Variants in SMIM24 observed in about 807,000 individuals in gnomAD.
SMIM24 encodes MAP17-related dimer.
In SMIM24, 6 loss-of-function variants were observed where a neutral mutation model predicts 10.8. The observed-to-expected ratio is 0.55, with a 90% CI of 0.30 to 1.09. The LOEUF (loss-of-function observed/expected upper bound fraction) is 1.09, where lower values mean the gene tolerates loss of function less well. Among genes scored for constraint, SMIM24 ranks in the 50% least tolerant of loss-of-function variants. The probability of loss-of-function intolerance (pLI) is 0.06; values close to 1 mark genes in which losing one functional copy is unlikely to be tolerated. For synonymous variants in SMIM24, 71 were observed against 62.4 expected (o/e 1.14, Z -0.65); for missense variants, 151 against 153.4 (o/e 0.98, Z 0.08).
In SMIM24 at chr19:3,479,479, G is replaced by A. The variant is rs370366120; in HGVS notation, c.68-550C>T. Among the ~76,000 whole-genome samples the A allele has an allele frequency of 6.0e-5, 9 of 150,810 alleles. No individual in the cohort carries two copies. The East Asian group carries it at 1.6e-3, about 26-fold the overall frequency. Reference sequence around the variant, plus strand: ...AAAGGAGGCAGAGGCTTAGAGGGAGGGGCTTATAAAGGAGGAGCTCAGAGG... The same window carrying A: ...AAAGGAGGCAGAGGCTTAGAGGGAGAGGCTTATAAAGGAGGAGCTCAGAGG... On this transcript the variant is annotated intron_variant, in intron 1 of 3. Coordinates refer to ENST00000215531, the MANE Select transcript of SMIM24 (RefSeq NM_001136503.2).
intron 3 of SMIM24, among the ~76,000 whole-genome samples, chr19:3,476,594 T>G (rs932633665): frequency 6.6e-6 from 1 of 152,036 alleles, no homozygotes; most frequent in Non-Finnish European, 1.5e-5. Flanking sequence ...CTGAGCCAGG[T>G]CTTAGACAAA....
chr19:3,478,372 C>A (rs1410070470), intron 3 of SMIM24, 47 bp downstream of exon 3: 3 of 1,513,556 alleles, frequency 2.0e-6, no homozygotes, highest in African/African-American at 1.4e-5. Flanking sequence ...ATTCCCCCAC[C>A]CCGAGGAGGG....
At chr19:3,477,352 G>A (rs1281178091) in intron 3 of SMIM24, among the ~76,000 whole-genome samples, 3 of 148,324 alleles carry the variant, frequency 2.0e-5, no homozygotes, top group African/African-American at 5.0e-5. Context: ...TGGATGGGTA[G>A]GTGATGGGTG....
rs200625720 is a variant in SMIM24 at position 3,478,469 on chromosome 19, G to A, written c.189C>T (p.Asp63=). The A allele has an allele frequency of 9.0e-6, 14 of 1,548,720 alleles. No individual in the cohort carries two copies. The Middle Eastern group carries it at 6.7e-4, about 74-fold the overall frequency. ...RLWCSKARAE[D]EEETTFRMES... ...CCATTCTGAACGTGGTCTCCTCCTCGTCCTCAGCCCTGCAGAGATAAAGGG... is the reference window on the plus strand; with the variant it reads ...CCATTCTGAACGTGGTCTCCTCCTCATCCTCAGCCCTGCAGAGATAAAGGG... Residue 63 remains aspartate (D), a synonymous_variant, in exon 3 of 4, where the codon GAC becomes GAT. Transcript: ENST00000215531.
rs1233771629 is a variant in SMIM24 at position 3,478,910 on chromosome 19, C to T, written c.87G>A (p.Lys29=). 1 of 1,549,934 alleles carries T rather than the reference C, an allele frequency of 6.5e-7. No individual in the cohort carries two copies. Among genetic ancestry groups the T allele is most frequent in the East Asian group, 2.4e-5 (1 of 40,888 alleles). ...EAQQATEHRL[K]PWLVGLAAVV... is the part of the protein sequence containing the mutation. ...CCGCAGCCAGGCCCACCAGCCACGGCTTCAGGCGATGCTCCGTGGCTGCAG... is the reference window on the plus strand; with the variant it reads ...CCGCAGCCAGGCCCACCAGCCACGGTTTCAGGCGATGCTCCGTGGCTGCAG... The change falls in exon 2 of 4, where the codon AAG becomes AAA. Residue 29 remains lysine, a synonymous_variant. Transcript: ENST00000215531.
intron 1 of SMIM24, 147 bp from the exon 2 acceptor site, chr19:3,479,076 G>T: frequency 1.6e-6 from 1 of 628,654 alleles, no homozygotes; most frequent in Non-Finnish European, 2.8e-6. Flanking sequence ...CAGAGACCTG[G>T]ATGGCGTAGG....
chr19:3,474,988 T>C lies in SMIM24; in HGVS notation c.248A>G (p.Lys83Arg), dbSNP rs1356551199. The C allele has an allele frequency of 1.3e-6, 2 of 1,551,350 alleles. No individual in the cohort carries two copies. Among genetic ancestry groups the C allele is most frequent in the East Asian group, 2.4e-5 (1 of 40,926 alleles). The change falls in exon 4 of 4, where the codon AAG (lysine) becomes AGG (arginine). Residue 83 changes from lysine to arginine, a missense_variant. Physicochemically the swap from Lys to Arg is conservative, Grantham distance 26 (BLOSUM62 2). Coordinates refer to ENST00000215531, the MANE Select transcript of SMIM24 (RefSeq NM_001136503.2). ...SNLYQDQSED[K>R]REKKEAKEKE... ...CTCCTTGGCCTCTTTCTTCTCTCTCTTGTCTTCACTGTAGGGATACAAAGG... is the reference window on the plus strand; with the variant it reads ...CTCCTTGGCCTCTTTCTTCTCTCTCCTGTCTTCACTGTAGGGATACAAAGG...
intron 1 of SMIM24, among the ~76,000 whole-genome samples, chr19:3,479,505 G>A (rs374331669): frequency 1.3e-5 from 2 of 150,788 alleles, no homozygotes; most frequent in East Asian, 3.9e-4. Flanking sequence ...AGCTCAGAGG[G>A]GAGGTGCTTA....
chr19:3,480,286 C>T (rs1229750978), intron 1 of SMIM24, 111 bp downstream of exon 1: 2 of 1,139,688 alleles, frequency 1.8e-6, no homozygotes, highest in African/African-American at 1.6e-5. Flanking sequence ...AGCCACTCTT[C>T]CTTTTCTTCC....
At chr19:3,475,706 G>A (rs567097983) in intron 3 of SMIM24, among the ~76,000 whole-genome samples, 1 of 151,666 alleles carries the variant, frequency 6.6e-6, no homozygotes, top group South Asian at 2.1e-4. Flanking sequence ...GTGAATGGGT[G>A]GATGAATGGA....
At position 3,474,435 on chromosome 19, in the gene SMIM24, A is replaced by ATTG; in HGVS notation, c.*407_*408insCAA. On this transcript the variant is annotated 3_prime_UTR_variant, in exon 4 of 4. Transcript: ENST00000215531. Reference sequence around the variant, plus strand: ...AGGGCTGTTACGAATGCTTTAATGCAGGCCATTGGGAAGCAGCTCTCAGCT... The same window carrying ATTG: ...AGGGCTGTTACGAATGCTTTAATGCATTGGGCCATTGGGAAGCAGCTCTCAGCT... The ATTG allele has an allele frequency of 5.6e-6, 1 of 177,540 alleles. No individual in the cohort carries two copies. The highest frequency in any genetic ancestry group is 1.2e-5 in the Non-Finnish European group (1 of 83,216). 11.0% of individuals were successfully genotyped at this position (177,540 alleles called of 1,614,324 possible).
At chr19:3,475,873 T>A (rs2082790268) in intron 3 of SMIM24, among the ~76,000 whole-genome samples, 1 of 148,802 alleles carries the variant, frequency 6.7e-6, no homozygotes, top group East Asian at 2.0e-4. Context: ...GGTGGATGGA[T>A]GAATGAATGG....
chr19:3,479,035 A>G, intron 1 of SMIM24, 106 bp from the exon 2 acceptor site: 1 of 849,688 alleles, frequency 1.2e-6, no homozygotes, highest in Non-Finnish European at 1.8e-6. Flanking sequence ...GGGTGCTCCG[A>G]CAGAGGGGGT....
chr19:3,475,504 C>G (rs561433432), intron 3 of SMIM24, among the ~76,000 whole-genome samples: 18 of 140,782 alleles, frequency 1.3e-4, no homozygotes, highest in Non-Finnish European at 2.3e-4. Flanking sequence ...GGGTGGATGG[C>G]TAGGTGGGTG....
chr19:3,476,573 T>G (rs2082792766), intron 3 of SMIM24, among the ~76,000 whole-genome samples: 1 of 151,852 alleles, frequency 6.6e-6, no homozygotes, highest in South Asian at 2.1e-4. Context: ...AGGAATCATA[T>G]TTTACTGGGG....
intron 3 of SMIM24, among the ~76,000 whole-genome samples, chr19:3,478,114 C>G (rs1215859309): frequency 6.6e-6 from 1 of 152,130 alleles, no homozygotes; most frequent in African/African-American, 2.4e-5. Flanking sequence ...GCTAAGTTGC[C>G]TACACAACTG....
rs1261436229 is a variant in SMIM24, at chr19:3,478,934, A to C, written c.68-5T>G. 4 of 1,548,952 alleles carry C rather than the reference A, an allele frequency of 2.6e-6. No homozygotes were observed. The highest frequency in any genetic ancestry group is 2.6e-6 in the Non-Finnish European group (3 of 1,146,066). Reference sequence around the variant, plus strand: ...GCTTCAGGCGATGCTCCGTGGCTGCAGGAAGTTGGGGAGGTTCGACTCAGA... The same window carrying C: ...GCTTCAGGCGATGCTCCGTGGCTGCCGGAAGTTGGGGAGGTTCGACTCAGA... On this transcript the variant is annotated splice_polypyrimidine_tract_variant and splice_region_variant and intron_variant, in intron 1 of 3. Transcript: ENST00000215531.
intron 3 of SMIM24, among the ~76,000 whole-genome samples, chr19:3,475,520 T>C (rs938907708): frequency 2.7e-5 from 4 of 146,148 alleles, no homozygotes; most frequent in African/African-American, 1.0e-4. Flanking sequence ...GGGTGAGTGG[T>C]TGGAAGGATG....
intron 3 of SMIM24, among the ~76,000 whole-genome samples, chr19:3,475,743 A>G (rs1026741055): frequency 2.7e-5 from 4 of 150,926 alleles, no homozygotes; most frequent in African/African-American, 9.8e-5. Flanking sequence ...TGAATTAATG[A>G]ATGGGTGGGT....
Sources: allele counts gnomAD v4.1 joint callset (sites outside exome capture counted in the v4.1 genomes callset), GRCh38; gene constraint gnomAD v4.1.1; transcripts MANE v1.5; gene names NCBI Gene and HGNC (gene_info 2026-07-23, HGNC 2026-07-21).